The following VPS13C variants were observed in gnomAD, a reference collection of about 807,000 sequenced individuals.
VPS13C encodes the protein intermembrane lipid transfer protein VPS13C.
A neutral mutation model predicts 456.8 loss-of-function variants in VPS13C; 358 were observed. That is an observed-to-expected ratio of 0.78 (90% CI 0.72 to 0.86). The LOEUF is 0.86. VPS13C is among the 40% of genes least tolerant of loss of function. VPS13C has a pLI of 0.00. For missense variants in VPS13C, 4,818 were observed against 4,385.4 expected (o/e 1.10, Z -2.79); for synonymous variants, 1,578 against 1,486.7 (o/e 1.06, Z -1.41).
Position 62,044,207 on chromosome 15 carries a change from C to A in VPS13C, c.144+5G>T, listed in dbSNP as rs1480533862. The A allele has an allele frequency of 2.0e-6, 3 of 1,479,434 alleles. No individual in the cohort carries two copies. Among genetic ancestry groups the A allele is most frequent in the Non-Finnish European group, 2.8e-6 (3 of 1,078,928 alleles). 91.6% of individuals were successfully genotyped at this position (1,479,434 alleles called of 1,614,324 possible). On this transcript the variant is annotated splice_donor_5th_base_variant and intron_variant, in intron 2 of 84. Coordinates refer to ENST00000644861, the MANE Select transcript of VPS13C (RefSeq NM_020821.3). ...AGTTATTAGCATAGTTTAAAAAAAACTTACCAGGGCATTTTCTTTTATCTG... is the reference window on the plus strand; with the variant it reads ...AGTTATTAGCATAGTTTAAAAAAAAATTACCAGGGCATTTTCTTTTATCTG...
At chr15:61,941,673 A>G (rs2044429719) in intron 46 of VPS13C, 90 bp downstream of exon 46, 2 of 1,382,986 alleles carry the variant, frequency 1.4e-6, no homozygotes. Context: ...AATGAAAACC[A>G]CAAATTACTA....
intron 38 of VPS13C, among the ~76,000 whole-genome samples, chr15:61,952,726 A>G (rs1274268108): frequency 6.7e-6 from 1 of 149,090 alleles, no homozygotes; most frequent in Admixed American, 6.6e-5. Context: ...TTATTGACTG[A>G]TTGATTGTTA....
At chr15:61,981,642 C>T (rs978723632) in intron 21 of VPS13C, among the ~76,000 whole-genome samples, 164 bp from the exon 22 acceptor site, 2 of 152,066 alleles carry the variant, frequency 1.3e-5, no homozygotes, top group Non-Finnish European at 2.9e-5. Context: ...AGGCAGATCA[C>T]GAGGTCAGGA....
chr15:61,929,526 G>C lies in VPS13C; in HGVS notation c.6261C>G (p.Ala2087=). 1 of 1,613,838 alleles carries C rather than the reference G, an allele frequency of 6.2e-7. No homozygotes were observed. The highest frequency in any genetic ancestry group is 2.2e-5 in the East Asian group (1 of 44,848). ...CTTTCTCTATCTTGACCTTCCCTGT[G>C]GCAGTCTGTCTTGGTAAAATCTGTG... The part of the protein sequence containing the change: ...KETQILPRQT[A]TGKVKIEKDD... The change falls in exon 51 of 85, where the codon GCC becomes GCG. Residue 2087 remains alanine, a synonymous_variant. Coordinates refer to ENST00000644861, the MANE Select transcript of VPS13C (RefSeq NM_020821.3).
chr15:61,980,055 G>A (rs781478251), intron 22 of VPS13C, among the ~76,000 whole-genome samples: 45 of 151,282 alleles, frequency 3.0e-4, no homozygotes, highest in Non-Finnish European at 4.6e-4. Context: ...GTGGGGGTGC[G>A]TGCCTGTAAT....
chr15:61,984,066 A>C, intron 19 of VPS13C, 54 bp from the exon 20 acceptor site: 1 of 1,506,370 alleles, frequency 6.6e-7, no homozygotes, highest in Non-Finnish European at 9.0e-7. Context: ...TTGTAATCTA[A>C]TGGACTAAAA....
At chr15:61,870,046 TAAC>T (rs1894900055) in intron 79 of VPS13C, among the ~76,000 whole-genome samples, 1 of 152,212 alleles carries the variant, frequency 6.6e-6, no homozygotes, top group Non-Finnish European at 1.5e-5. Context: ...AAAAAATATA[TAAC>T]AACTTTATTG....
At chr15:61,891,851 C>T (rs1431958310) in intron 66 of VPS13C, among the ~76,000 whole-genome samples, 1 of 152,180 alleles carries the variant, frequency 6.6e-6, no homozygotes, top group Non-Finnish European at 1.5e-5. Context: ...ACTTCTAGTG[C>T]CAAGATTATC....
chr15:62,007,483 A>T lies in VPS13C; in HGVS notation c.1119-4T>A. 1 of 1,560,266 alleles carries T rather than the reference A, an allele frequency of 6.4e-7. No homozygotes were observed. The highest frequency in any genetic ancestry group is 8.6e-7 in the Non-Finnish European group (1 of 1,156,628). On this transcript the variant is annotated splice_region_variant and splice_polypyrimidine_tract_variant and intron_variant, in intron 14 of 84. Coordinates refer to ENST00000644861, the MANE Select transcript of VPS13C (RefSeq NM_020821.3). The stretch of plus-strand genomic sequence containing the variant: ...AGAATCAATTGCATATTTCCACCTG[A>T]AAATCAAATTTTGTTAACGTAAATG...
chr15:61,895,762 C>T (rs113383596), intron 66 of VPS13C, among the ~76,000 whole-genome samples: 2 of 152,002 alleles, frequency 1.3e-5, no homozygotes, highest in Non-Finnish European at 2.9e-5. Flanking sequence ...CAGTTGGTCT[C>T]ATAAAAGTAA....
intron 84 of VPS13C, 113 bp from the exon 85 acceptor site, chr15:61,854,671 G>T: frequency 8.5e-7 from 1 of 1,179,634 alleles, no homozygotes; most frequent in Non-Finnish European, 1.3e-6. Flanking sequence ...CAACAGCTAA[G>T]GACCAAGGAT....
At chr15:61,992,877 T>A (rs1013472186) in intron 16 of VPS13C, among the ~76,000 whole-genome samples, 5 of 152,190 alleles carry the variant, frequency 3.3e-5, no homozygotes, top group Admixed American at 2.0e-4. Flanking sequence ...AAGAGGTATT[T>A]TTTTTTTAAT....
At chr15:61,970,399 T>C (rs1391975900) in intron 27 of VPS13C, among the ~76,000 whole-genome samples, 1 of 152,204 alleles carries the variant, frequency 6.6e-6, no homozygotes, top group East Asian at 1.9e-4. Context: ...TTTAACTTGA[T>C]AGGCAGCAAT....
At position 61,961,785 on chromosome 15, in the gene VPS13C, G is replaced by A. The variant is rs762196261; in HGVS notation, c.3712C>T (p.Arg1238Cys). 9.9e-6 allele frequency: 16 copies of A among 1,613,828 alleles called. No homozygotes were observed. The highest frequency in any genetic ancestry group is 1.3e-5 in the African/African-American group (1 of 74,868). ...TTCAAATCAATATTGATGGAAACAC[G>A]AAAACTCCTCTGGGCAAGATCTTTC... ...SVKDLAQRSF[R>C]VSINIDLKAP... The change falls in exon 35 of 85, where the codon CGT (arginine) becomes TGT (cysteine). Residue 1238 changes from arginine (R) to cysteine (C), a missense_variant. Physicochemically the swap from Arg to Cys is radical, Grantham distance 180 (BLOSUM62 -3). Transcript: ENST00000644861.
chr15:62,011,419 A>T lies in VPS13C; in HGVS notation c.883+688T>A, dbSNP rs551966138. On this transcript the variant is annotated intron_variant, in intron 12 of 84. Coordinates refer to ENST00000644861, the MANE Select transcript of VPS13C (RefSeq NM_020821.3). ...AGTTTTATCATCAAAAAATGTAGGG[A>T]TCTATGTAACATAAGTGCCAACTAT... 2.0e-5 allele frequency among the ~76,000 whole-genome samples: 3 copies of T among 152,224 alleles called. No individual in the cohort carries two copies. The South Asian group carries it at 6.2e-4, about 32-fold the overall frequency.
chr15:61,996,205 A>G (rs1182283217), intron 16 of VPS13C, among the ~76,000 whole-genome samples: 1 of 152,212 alleles, frequency 6.6e-6, no homozygotes, highest in East Asian at 1.9e-4. Flanking sequence ...AGCCACATGA[A>G]CTAATATGAA....
At chr15:62,002,031 C>G (rs1439486625) in intron 15 of VPS13C, among the ~76,000 whole-genome samples, 2 of 152,218 alleles carry the variant, frequency 1.3e-5, no homozygotes, top group Admixed American at 1.3e-4. Flanking sequence ...TGGGTATATA[C>G]CCAGTAATGA....
intron 66 of VPS13C, among the ~76,000 whole-genome samples, chr15:61,891,059 A>G (rs1367465487): frequency 6.6e-6 from 1 of 152,202 alleles, no homozygotes; most frequent in African/African-American, 2.4e-5. Context: ...AAAAAGAAAG[A>G]AAGAAATGTA....
chr15:61,872,893 T>C (rs1895141116), intron 78 of VPS13C, among the ~76,000 whole-genome samples: 1 of 152,108 alleles, frequency 6.6e-6, no homozygotes, highest in African/African-American at 2.4e-5. Flanking sequence ...TTATCAACAA[T>C]TAATTTTCAC....
Sources: gnomAD v4.1 joint callset for allele counts (sites outside exome capture counted in the v4.1 genomes callset) on GRCh38, gnomAD v4.1.1 for gene constraint, MANE v1.5 for transcripts, NCBI Gene and HGNC (gene_info 2026-07-23, HGNC 2026-07-21) for gene names.